The following FBXL18 variants were observed in gnomAD, a reference collection of about 807,000 sequenced individuals.
FBXL18 encodes the protein F-box and leucine rich repeat protein 18.
FBXL18 carries 36 observed loss-of-function variants against 46.0 expected under a neutral mutation model. The observed-to-expected ratio is 0.78, with a 90% confidence interval of 0.60 to 1.03. FBXL18 has a LOEUF of 1.03. FBXL18 is among the 50% of genes least tolerant of loss of function. The pLI is 0.00. For missense variants in FBXL18, 977 were observed against 1,004.1 expected (o/e 0.97, Z 0.36); for synonymous variants, 557 against 465.3 (o/e 1.20, Z -2.54).
rs752963580 is a variant in FBXL18 at position 5,500,859 on chromosome 7, C to T, written c.1410G>A (p.Gln470=). Reference sequence around the variant, plus strand: ...GCAGAGACCAGAACACGGAGGAGGGCTGGGGGCACGCCTGGCCCGAGAAGG... The same window carrying T: ...GCAGAGACCAGAACACGGAGGAGGGTTGGGGGCACGCCTGGCCCGAGAAGG... ...PSPFSGQACP[Q]PSSVFWSLLK... Residue 470 remains glutamine, a synonymous_variant, in exon 3 of 5, where the codon CAG becomes CAA. Coordinates refer to ENST00000382368, the MANE Select transcript of FBXL18 (RefSeq NM_024963.6). 2.5e-6 allele frequency: 4 copies of T among 1,606,338 alleles called. No individual in the cohort carries two copies. Among genetic ancestry groups the T allele is most frequent in the Non-Finnish European group, 3.4e-6 (4 of 1,175,668 alleles).
chr7:5,510,089 G>A (rs1784491175), intron 1 of FBXL18, among the ~76,000 whole-genome samples: 2 of 151,938 alleles, frequency 1.3e-5, no homozygotes, highest in South Asian at 4.2e-4. Context: ...ATCACTTGAC[G>A]TCAGGAGTTC....
intron 3 of FBXL18, 24 bp downstream of exon 3, chr7:5,500,464 G>C (rs750195549): frequency 2.7e-5 from 43 of 1,564,932 alleles, no homozygotes; most frequent in Middle Eastern, 1.7e-4. Flanking sequence ...GCAGAGGCCC[G>C]AGAGGTCCCC....
At chr7:5,493,933 A>G (rs917559501) in intron 3 of FBXL18, among the ~76,000 whole-genome samples, 6 of 151,968 alleles carry the variant, frequency 3.9e-5, no homozygotes, top group African/African-American at 1.4e-4. Flanking sequence ...CAGGAGTTCG[A>G]CACTGGCCAA....
intron 3 of FBXL18, among the ~76,000 whole-genome samples, chr7:5,493,655 T>TTGTGTGTG (rs150913470): frequency 2.1e-5 from 3 of 144,816 alleles, no homozygotes; most frequent in Non-Finnish European, 4.6e-5. Flanking sequence ...TTATTTACTT[T>TTGTGTGTG]TGTGTGTGTG....
intron 3 of FBXL18, among the ~76,000 whole-genome samples, chr7:5,493,849 C>G (rs1783999413): frequency 6.6e-6 from 1 of 151,874 alleles, no homozygotes; most frequent in Non-Finnish European, 1.5e-5. Flanking sequence ...AGCAGAAATT[C>G]TCAGCCAGGT....
intron 4 of FBXL18, among the ~76,000 whole-genome samples, chr7:5,467,177 C>G (rs1348900426): frequency 6.6e-6 from 1 of 152,126 alleles, no homozygotes; most frequent in Non-Finnish European, 1.5e-5. Context: ...CAGTGAAACC[C>G]CGTCTCTACT....
intron 3 of FBXL18, among the ~76,000 whole-genome samples, chr7:5,498,066 C>G (rs1584229446): frequency 6.7e-6 from 1 of 150,350 alleles, no homozygotes; most frequent in Non-Finnish European, 1.5e-5. Context: ...AATTTTTTTT[C>G]TTTTTTCTTT....
intron 4 of FBXL18, among the ~76,000 whole-genome samples, chr7:5,463,721 T>TA (rs1323348299): frequency 1.7e-3 from 116 of 69,906 alleles, no homozygotes; most frequent in Middle Eastern, 7.7e-3. Context: ...TATTTATTTA[T>TA]TTATTTATTT....
rs114686021 is a variant in FBXL18, at chr7:5,512,676, G to A, written c.18+981C>T. Among the ~76,000 whole-genome samples the A allele has an allele frequency of 1.9e-3, 292 of 152,228 alleles. 1 individual carries two copies. The highest frequency in any genetic ancestry group is 6.7e-3 in the African/African-American group (278 of 41,532). ...TAATTCTGTAAGACCAAGGTACCAG[G>A]ACCCCCCTTCTTCCCTGACCCCAAG... On this transcript the variant is annotated intron_variant, in intron 1 of 4. Coordinates refer to ENST00000382368, the MANE Select transcript of FBXL18 (RefSeq NM_024963.6).
In FBXL18 at chr7:5,496,363, G is replaced by A. The variant is rs1162849668; in HGVS notation, c.1781+4125C>T. Reference sequence around the variant, plus strand: ...GGAACACCCCCTCCCTCCGGCCAGTGCCTCCCTTGCTGACAGCCTCTGCTC... The same window carrying A: ...GGAACACCCCCTCCCTCCGGCCAGTACCTCCCTTGCTGACAGCCTCTGCTC... On this transcript the variant is annotated intron_variant, in intron 3 of 4. Coordinates refer to ENST00000382368, the MANE Select transcript of FBXL18 (RefSeq NM_024963.6). This position sits in a 1 kb window ranked among gnomAD's most constrained non-coding sequence, Gnocchi z 4.8. Among the ~76,000 whole-genome samples the A allele has an allele frequency of 1.3e-5, 2 of 152,146 alleles. No individual in the cohort carries two copies. Among genetic ancestry groups the A allele is most frequent in the Non-Finnish European group, 2.9e-5 (2 of 68,030 alleles).
chr7:5,473,483 C>T (rs182236908), downstream of FBXL18, among the ~76,000 whole-genome samples: 551 of 152,242 alleles, frequency 3.6e-3, no homozygotes, highest in South Asian at 7.1e-3. Flanking sequence ...GCACAAGTGC[C>T]GGGTGCGGTG....
At chr7:5,497,511 A>C (rs1784113729) in intron 3 of FBXL18, among the ~76,000 whole-genome samples, 1 of 152,132 alleles carries the variant, frequency 6.6e-6, no homozygotes, top group African/African-American at 2.4e-5. Flanking sequence ...TCAACCCAAC[A>C]CTAACAGGTC....
rs1784074734 is a variant in FBXL18, at chr7:5,496,152, T to C, written c.1781+4336A>G. On this transcript the variant is annotated intron_variant, in intron 3 of 4. Coordinates refer to ENST00000382368, the MANE Select transcript of FBXL18 (RefSeq NM_024963.6). This position sits in a 1 kb window ranked among gnomAD's most constrained non-coding sequence, Gnocchi z 4.8. ...CAGCCATGTGACCTAGGCAAGTTCATGCACTCTCTGGGCCTTACTTTCTTC... is the reference window on the plus strand; with the variant it reads ...CAGCCATGTGACCTAGGCAAGTTCACGCACTCTCTGGGCCTTACTTTCTTC... Among the ~76,000 whole-genome samples the C allele has an allele frequency of 6.6e-6, 1 of 152,294 alleles. No individual in the cohort carries two copies. The highest frequency in any genetic ancestry group is 2.1e-4 in the South Asian group (1 of 4,824).
At chr7:5,470,104 G>A (rs368210841) in intron 4 of FBXL18, among the ~76,000 whole-genome samples, 1 of 152,128 alleles carries the variant, frequency 6.6e-6, no homozygotes, top group South Asian at 2.1e-4. Context: ...CTGATGGAGC[G>A]TGTGCCTTCC....
intron 1 of FBXL18, among the ~76,000 whole-genome samples, chr7:5,512,822 A>G (rs1256867920): frequency 6.6e-6 from 1 of 152,168 alleles, no homozygotes; most frequent in African/African-American, 2.4e-5. Flanking sequence ...CTTCAAATGT[A>G]GAAGGGCGGT....
chr7:5,493,830 A>G (rs1045578548), intron 3 of FBXL18, among the ~76,000 whole-genome samples: 8 of 151,700 alleles, frequency 5.3e-5, no homozygotes, highest in Admixed American at 1.3e-4. Flanking sequence ...TTTTCTTTTA[A>G]TTGATTTAAG....
At chr7:5,487,283 G>C (rs1329521225) in intron 4 of FBXL18, among the ~76,000 whole-genome samples, 2 of 152,274 alleles carry the variant, frequency 1.3e-5, no homozygotes, top group Non-Finnish European at 2.9e-5. Flanking sequence ...TGTGGTACAG[G>C]TGTCCGTGGA....
At chr7:5,495,730 C>A in intron 3 of FBXL18, 1 of 460,460 alleles carries the variant, frequency 2.2e-6, no homozygotes, top group South Asian at 1.6e-5. Context: ...CTGCACAGCT[C>A]CTGCCCACGG....
rs145916943 is a variant in FBXL18, at chr7:5,505,905, G to A, written c.19-275C>T. 2.4e-3 allele frequency among the ~76,000 whole-genome samples: 369 copies of A among 152,274 alleles called. 3 individuals are homozygous for A. The highest frequency in any genetic ancestry group is 8.4e-3 in the African/African-American group (349 of 41,574). On this transcript the variant is annotated intron_variant, in intron 1 of 4. Coordinates refer to ENST00000382368, the MANE Select transcript of FBXL18 (RefSeq NM_024963.6). ...GTGAGACAGAAGTTTCACTATTGTT[G>A]TCCAGGCTGGAGTCAATGGCGTGAT...
Sources: allele counts gnomAD v4.1 joint callset (sites outside exome capture counted in the v4.1 genomes callset), GRCh38; gene constraint gnomAD v4.1.1; non-coding constraint Gnocchi (gnomAD v3.1); transcripts MANE v1.5; gene names NCBI Gene and HGNC (gene_info 2026-07-23, HGNC 2026-07-21).